TAB2: variants seen among roughly 807,000 people sequenced by gnomAD.
TAB2 encodes the protein TGF-beta activated kinase 1 (MAP3K7) binding protein 2.
A neutral mutation model predicts 65.0 loss-of-function variants in TAB2; 3 were observed. The ratio of observed to expected loss-of-function variants is 0.05; its 90% CI spans 0.02 to 0.12. TAB2 has a LOEUF of 0.12. Among genes scored for constraint, TAB2 ranks in the 10% least tolerant of loss-of-function variants. TAB2 has a pLI of 1.00. For missense variants in TAB2, 623 were observed against 840.3 expected, an observed-to-expected ratio of 0.74 and a Z score of 3.20; for synonymous variants, 298 against 285.1, an observed-to-expected ratio of 1.05 and a Z score of -0.46.
At chr6:149,400,828 C>G in intron 6 of TAB2, 4 of 902,066 alleles carry the variant, frequency 4.4e-6, no homozygotes, top group South Asian at 1.8e-5. Context: ...CTTCCACATT[C>G]TTTTATTATA....
intron 1 of TAB2, among the ~76,000 whole-genome samples, chr6:149,357,431 ACACACACACAC>A (rs1269529670): frequency 4.0e-4 from 22 of 54,350 alleles, no homozygotes; most frequent in South Asian, 1.4e-3. Context: ...GAAAAAAAAA[ACACACACACAC>A]ACACACACAC....
intron 1 of TAB2, among the ~76,000 whole-genome samples, chr6:149,276,344 G>C (rs1036079915): frequency 3.9e-5 from 6 of 152,092 alleles, no homozygotes; most frequent in African/African-American, 1.4e-4. Flanking sequence ...CTATATATTG[G>C]TTTGTATTCT....
intron 1 of TAB2, among the ~76,000 whole-genome samples, chr6:149,329,335 A>T (rs1451271866): frequency 2.8e-5 from 1 of 35,476 alleles, no homozygotes. Flanking sequence ...AATGTGTTTG[A>T]GAAGGAAATA....
chr6:149,376,892 C>CG (rs554194181), intron 2 of TAB2, among the ~76,000 whole-genome samples: 3 of 150,394 alleles, frequency 2.0e-5, no homozygotes, highest in African/African-American at 7.3e-5. Flanking sequence ...AGGTTCCCCC[C>CG]CCCCACTCTG....
At chr6:149,398,412 T>A in intron 5 of TAB2, among the ~76,000 whole-genome samples, 1 of 152,154 alleles carries the variant, frequency 6.6e-6, no homozygotes, top group East Asian at 1.9e-4. Context: ...CACTTAAACC[T>A]AATTCTGAAG....
At chr6:149,339,938 T>C (rs150065152) in intron 1 of TAB2, among the ~76,000 whole-genome samples, 1 of 152,326 alleles carries the variant, frequency 6.6e-6, no homozygotes, top group East Asian at 1.9e-4. Context: ...ATATTTACTG[T>C]ATATAAATGT....
chr6:149,254,104 A>AGACAG, intron 1 of TAB2, among the ~76,000 whole-genome samples: 2 of 120,322 alleles, frequency 1.7e-5, no homozygotes. Context: ...GAAGGAAGGA[A>AGACAG]GGAAGGAAGG....
At chr6:149,341,033 T>TA (rs892508108) in intron 1 of TAB2, among the ~76,000 whole-genome samples, 2 of 152,134 alleles carry the variant, frequency 1.3e-5, no homozygotes, top group African/African-American at 2.4e-5. Context: ...TCTTTGCCCT[T>TA]AAAACATTTC....
intron 3 of TAB2, among the ~76,000 whole-genome samples, chr6:149,390,938 C>G (rs1253105756): frequency 6.6e-6 from 1 of 152,098 alleles, no homozygotes; most frequent in Non-Finnish European, 1.5e-5. Flanking sequence ...CTCCAAGATA[C>G]CATCTGTTCA....
intron 1 of TAB2, among the ~76,000 whole-genome samples, chr6:149,322,651 A>AGGAACATTGTGTCGTATGT (rs1207112260): frequency 1.3e-5 from 2 of 152,160 alleles, no homozygotes; most frequent in Non-Finnish European, 2.9e-5. Flanking sequence ...TTTCTGGTGA[A>AGGAACATTGTGTCGTATGT]GGAACATTGT....
chr6:149,259,875 G>A (rs1428625602), intron 1 of TAB2, among the ~76,000 whole-genome samples: 4 of 152,186 alleles, frequency 2.6e-5, no homozygotes, highest in African/African-American at 4.8e-5. Flanking sequence ...TTCCTCCACT[G>A]TAGCCCATGA....
At chr6:149,343,602 A>G (rs1384981842) in intron 1 of TAB2, among the ~76,000 whole-genome samples, 2 of 152,242 alleles carry the variant, frequency 1.3e-5, no homozygotes, top group Non-Finnish European at 2.9e-5. Flanking sequence ...AACTAAGTGT[A>G]TAACTAATAT....
At chr6:149,241,333 G>A (rs6570955) in intron 1 of TAB2, among the ~76,000 whole-genome samples, 6,452 of 152,100 alleles carry the variant, frequency 0.042, 457 homozygotes, top group African/African-American at 0.15. Flanking sequence ...CCATTTTTTT[G>A]TTGTTTTCTA....
At chr6:149,340,509 A>G (rs912764748) in intron 1 of TAB2, among the ~76,000 whole-genome samples, 2 of 152,214 alleles carry the variant, frequency 1.3e-5, no homozygotes, top group Non-Finnish European at 2.9e-5. Flanking sequence ...CAAGTTCATT[A>G]TAATTTGTAA....
At chr6:149,302,998 C>T (rs1386628378) in intron 1 of TAB2, among the ~76,000 whole-genome samples, 2 of 152,212 alleles carry the variant, frequency 1.3e-5, no homozygotes, top group African/African-American at 2.4e-5. Flanking sequence ...TATAGGAGCA[C>T]GAACCCTATT....
At chr6:149,365,044 T>C (rs1221172856) in intron 1 of TAB2, among the ~76,000 whole-genome samples, 2 of 152,182 alleles carry the variant, frequency 1.3e-5, no homozygotes, top group African/African-American at 2.4e-5. Flanking sequence ...CTGTATATAC[T>C]CTGCTACTAT....
intron 1 of TAB2, among the ~76,000 whole-genome samples, chr6:149,321,683 GTTTAC>G (rs943902762): frequency 2.0e-5 from 3 of 152,142 alleles, no homozygotes; most frequent in Non-Finnish European, 4.4e-5. Flanking sequence ...TACAGAATAT[GTTTAC>G]TTTATTTCCT....
rs184605221 is a variant in TAB2 at position 149,301,598 on chromosome 6, A to C, written c.-120-76420A>C. Among the ~76,000 whole-genome samples, 571 of 152,336 alleles carry C rather than the reference A, an allele frequency of 3.7e-3. 1 individual carries two copies. Among genetic ancestry groups the C allele is most frequent in the African/African-American group, 0.013 (551 of 41,578 alleles). ...TGTAGGTGCTAACTCAATGAATACC[A>C]GTTCACATTTTCAAATCTTTTTGTT... On this transcript the variant is annotated intron_variant, in intron 1 of 1. Transcript: ENST00000606202.
At chr6:149,282,554 A>G (rs1427047032) in intron 1 of TAB2, among the ~76,000 whole-genome samples, 5 of 152,216 alleles carry the variant, frequency 3.3e-5, no homozygotes, top group Non-Finnish European at 7.4e-5. Flanking sequence ...GCCATAAGGC[A>G]AATCTCAAAA....
Sources: gnomAD v4.1 joint callset for allele counts (sites outside exome capture counted in the v4.1 genomes callset) on GRCh38, gnomAD v4.1.1 for gene constraint, MANE v1.5 for transcripts, NCBI Gene and HGNC (gene_info 2026-07-23, HGNC 2026-07-21) for gene names.